The following CCSER1 variants were observed in gnomAD, a reference collection of about 807,000 sequenced individuals.
CCSER1 encodes coiled-coil serine rich protein 1, also known as serine-rich coiled-coil domain-containing protein 1.
CCSER1 carries 41 observed loss-of-function variants against 82.0 expected under a neutral mutation model. The observed-to-expected ratio is 0.50, with a 90% CI of 0.39 to 0.65. The LOEUF (loss-of-function observed/expected upper bound fraction) is 0.65. Ranked by LOEUF, CCSER1 falls within the 30% of genes least tolerant of loss-of-function variation. CCSER1 has a pLI of 0.00. For missense variants in CCSER1, 1,119 were observed against 1,064.2 expected (o/e 1.05, Z -0.72); for synonymous variants, 414 against 383.9 (o/e 1.08, Z -0.92).
chr4:91,124,732 TC>T (rs1194497002), intron 10 of CCSER1, among the ~76,000 whole-genome samples: 1 of 151,884 alleles, frequency 6.6e-6, no homozygotes, highest in Non-Finnish European at 1.5e-5. Flanking sequence ...AAGCAGACAC[TC>T]ATTAAATGTG....
chr4:90,777,491 T>G (rs2149593028), intron 7 of CCSER1, among the ~76,000 whole-genome samples: 1 of 152,156 alleles, frequency 6.6e-6, no homozygotes, highest in South Asian at 2.1e-4. Flanking sequence ...ATTTGAAAAC[T>G]GTGCTTTCAT....
At chr4:90,650,439 T>G (rs1728536733) in intron 6 of CCSER1, among the ~76,000 whole-genome samples, 1 of 152,134 alleles carries the variant, frequency 6.6e-6, no homozygotes, top group African/African-American at 2.4e-5. Context: ...ACACCAGACT[T>G]GTAAAGACTT....
intron 7 of CCSER1, among the ~76,000 whole-genome samples, chr4:90,737,933 T>G (rs1237141360): frequency 3.9e-5 from 6 of 152,212 alleles, no homozygotes; most frequent in Admixed American, 3.9e-4. Flanking sequence ...GAATTTCTGC[T>G]TGATTCTTTT....
intron 8 of CCSER1, among the ~76,000 whole-genome samples, chr4:90,821,407 A>G (rs1759704694): frequency 1.3e-5 from 2 of 152,206 alleles, no homozygotes; most frequent in South Asian, 4.1e-4. Flanking sequence ...CATGGAAAAG[A>G]ACCAACGTTC....
At chr4:91,508,158 C>CT (rs1759613462) in intron 10 of CCSER1, among the ~76,000 whole-genome samples, 1 of 35,552 alleles carries the variant, frequency 2.8e-5, no homozygotes, top group African/African-American at 1.0e-4. Context: ...TTTTTTTTTT[C>CT]TGGGTTTTTT....
chr4:90,595,106 A>G (rs1198036219), intron 5 of CCSER1, among the ~76,000 whole-genome samples: 3 of 152,030 alleles, frequency 2.0e-5, no homozygotes, highest in Non-Finnish European at 4.4e-5. Context: ...CATCTATTTT[A>G]CTACTATAAA....
At chr4:90,633,802 A>C (rs973764068) in intron 6 of CCSER1, among the ~76,000 whole-genome samples, 11 of 151,914 alleles carry the variant, frequency 7.2e-5, no homozygotes, top group Admixed American at 6.6e-5. Flanking sequence ...TGAGCTAAGA[A>C]TTAATAATCT....
chr4:90,817,615 T>C (rs1759185243), intron 8 of CCSER1, among the ~76,000 whole-genome samples: 1 of 152,032 alleles, frequency 6.6e-6, no homozygotes, highest in African/African-American at 2.4e-5. Flanking sequence ...CATAATCATC[T>C]TGAATAAACA....
intron 6 of CCSER1, among the ~76,000 whole-genome samples, chr4:90,661,415 T>A (rs963306822): frequency 6.6e-6 from 1 of 152,148 alleles, no homozygotes; most frequent in Non-Finnish European, 1.5e-5. Context: ...AGGGAGAATT[T>A]GTGAGTGTAT....
chr4:90,589,752 AG>A (rs1782467629), intron 5 of CCSER1, among the ~76,000 whole-genome samples: 1 of 152,214 alleles, frequency 6.6e-6, no homozygotes. Flanking sequence ...TTACTTTTGC[AG>A]AAGGTGCAGT....
At chr4:91,000,625 T>C (rs1737953006) in intron 9 of CCSER1, among the ~76,000 whole-genome samples, 1 of 152,118 alleles carries the variant, frequency 6.6e-6, no homozygotes, top group South Asian at 2.1e-4. Context: ...GTTCTCCTTT[T>C]AGAGAGCTTT....
At chr4:90,513,397 T>A (rs1578897386) in intron 5 of CCSER1, among the ~76,000 whole-genome samples, 2 of 152,208 alleles carry the variant, frequency 1.3e-5, no homozygotes, top group Admixed American at 1.3e-4. Flanking sequence ...AGAAAAATTA[T>A]TGCAATCTGG....
Position 90,442,438 on chromosome 4 carries a change from G to C in CCSER1, c.1604-25796G>C, listed in dbSNP as rs1028800613. Among the ~76,000 whole-genome samples, 3 of 152,024 alleles carry C rather than the reference G, an allele frequency of 2.0e-5. No individual in the cohort carries two copies. In the South Asian group the frequency reaches 6.2e-4, roughly 32 times the overall value. ...GTAAAGCTCAATTTATTAAACTTAC[G>C]GCAACAGGGAAAACTCTAGTTCCAC... On this transcript the variant is annotated intron_variant, in intron 4 of 10. Transcript: ENST00000509176.
chr4:90,798,064 A>G (rs1364205186), intron 7 of CCSER1, among the ~76,000 whole-genome samples: 2 of 152,158 alleles, frequency 1.3e-5, no homozygotes, highest in African/African-American at 4.8e-5. Context: ...ACTCTGATTT[A>G]TGTTTTCCAA....
intron 10 of CCSER1, 145 bp from the exon 11 acceptor site, chr4:91,598,427 C>T: frequency 1.2e-6 from 1 of 821,840 alleles, no homozygotes; most frequent in South Asian, 2.4e-5. Context: ...AAATTTAATC[C>T]CATGGTTAAT....
rs575290504 is a variant in CCSER1, at chr4:91,079,302, G to T, written c.2173-6648G>T. 5.9e-5 allele frequency among the ~76,000 whole-genome samples: 9 copies of T among 152,234 alleles called. No homozygotes were observed. In the South Asian group the frequency reaches 1.5e-3, roughly 25 times the overall value. Reference sequence around the variant, plus strand: ...CTTAAAGAAAAGAATTTTCAACCAAGAATTTCATATTCAGCCAAACTAAGC... The same window carrying T: ...CTTAAAGAAAAGAATTTTCAACCAATAATTTCATATTCAGCCAAACTAAGC... On this transcript the variant is annotated intron_variant, in intron 9 of 10. Coordinates refer to ENST00000509176, the MANE Select transcript of CCSER1 (RefSeq NM_001145065.2).
chr4:90,918,140 T>G, intron 8 of CCSER1: 1 of 395,892 alleles, frequency 2.5e-6, no homozygotes, highest in Non-Finnish European at 5.0e-6. Context: ...TAATCACTAT[T>G]ATATACTAGT....
chr4:90,397,892 A>G (rs1752246732), intron 3 of CCSER1, among the ~76,000 whole-genome samples: 1 of 152,214 alleles, frequency 6.6e-6, no homozygotes, highest in Non-Finnish European at 1.5e-5. Context: ...TGTGCTTTGC[A>G]TTCATTTATT....
rs1279594528 is a variant in CCSER1, at chr4:91,081,046, T to A, written c.2173-4904T>A. 2.6e-5 allele frequency among the ~76,000 whole-genome samples: 4 copies of A among 152,174 alleles called. No homozygotes were observed. In the East Asian group the frequency reaches 7.7e-4, roughly 29 times the overall value. On this transcript the variant is annotated intron_variant, in intron 9 of 10. Transcript: ENST00000509176. ...CAATAGAAAAAGAGGGAATCCTCCC[T>A]AACTCATTTTATGAGGCCAACATCA...
Sources: gnomAD v4.1 joint callset for allele counts (sites outside exome capture counted in the v4.1 genomes callset) on GRCh38, gnomAD v4.1.1 for gene constraint, MANE v1.5 for transcripts, NCBI Gene and HGNC (gene_info 2026-07-23, HGNC 2026-07-21) for gene names.